R3HCC1L: variants seen among roughly 807,000 people sequenced by gnomAD.
R3HCC1L encodes the protein R3H domain and coiled-coil containing 1 like.
A neutral mutation model predicts 59.9 loss-of-function variants in R3HCC1L; 51 were observed. The observed-to-expected ratio is 0.85, with a 90% confidence interval of 0.68 to 1.07. The LOEUF is 1.07. Among genes scored for constraint, R3HCC1L ranks in the 50% least tolerant of loss-of-function variants. R3HCC1L has a pLI of 0.00. For synonymous variants in R3HCC1L, 322 were observed against 315.2 expected, an observed-to-expected ratio of 1.02 and a Z score of -0.23; for missense variants, 965 against 933.0, an observed-to-expected ratio of 1.03 and a Z score of -0.45.
chr10:98,229,421 A>G (rs1227659356), intron 5 of R3HCC1L, among the ~76,000 whole-genome samples: 1 of 152,170 alleles, frequency 6.6e-6, no homozygotes, highest in East Asian at 1.9e-4. Flanking sequence ...TGATTTTTGC[A>G]CATTGATTTT....
chr10:98,198,900 C>T (rs968595591), intron 4 of R3HCC1L, among the ~76,000 whole-genome samples: 1 of 152,040 alleles, frequency 6.6e-6, no homozygotes, highest in Non-Finnish European at 1.5e-5. Context: ...CAAATGTGAA[C>T]CACATATGTA....
At chr10:98,220,524 A>G (rs577880609) in intron 5 of R3HCC1L, among the ~76,000 whole-genome samples, 23 of 129,436 alleles carry the variant, frequency 1.8e-4, no homozygotes, top group African/African-American at 5.9e-4. Context: ...TCCCAATGCT[A>G]TCCCTCCCCC....
At chr10:98,145,044 T>C (rs1432230897) in intron 1 of R3HCC1L, among the ~76,000 whole-genome samples, 2 of 152,212 alleles carry the variant, frequency 1.3e-5, no homozygotes, top group Non-Finnish European at 2.9e-5. Context: ...GTTAAGTTTA[T>C]ATGTGTGTGG....
At chr10:98,189,994 A>G (rs1337927014) in intron 4 of R3HCC1L, among the ~76,000 whole-genome samples, 1 of 152,218 alleles carries the variant, frequency 6.6e-6, no homozygotes, top group African/African-American at 2.4e-5. Context: ...CTTGGATACC[A>G]CAATTTGAGG....
intron 4 of R3HCC1L, among the ~76,000 whole-genome samples, chr10:98,183,973 TG>T (rs1849952107): frequency 4.7e-5 from 6 of 128,988 alleles, no homozygotes; most frequent in African/African-American, 2.8e-5. Flanking sequence ...TTTTTTTTTT[TG>T]GTTGAAATCT....
intron 9 of R3HCC1L, among the ~76,000 whole-genome samples, chr10:98,236,552 A>G (rs986886557): frequency 1.3e-5 from 2 of 152,214 alleles, no homozygotes; most frequent in African/African-American, 4.8e-5. Flanking sequence ...ATGTTATCAA[A>G]TGGTTTAGAT....
intron 1 of R3HCC1L, among the ~76,000 whole-genome samples, chr10:98,141,296 GTA>G (rs1845111553): frequency 6.6e-6 from 1 of 152,096 alleles, no homozygotes; most frequent in African/African-American, 2.4e-5. Flanking sequence ...GGTATTCAGG[GTA>G]TATATGAGAT....
intron 5 of R3HCC1L, among the ~76,000 whole-genome samples, chr10:98,223,120 A>T (rs924111127): frequency 6.6e-6 from 1 of 152,164 alleles, no homozygotes; most frequent in African/African-American, 2.4e-5. Context: ...ACAAGGAGGA[A>T]CTGGTACCAT....
chr10:98,203,879 C>G (rs992485582), intron 4 of R3HCC1L, among the ~76,000 whole-genome samples: 1 of 152,050 alleles, frequency 6.6e-6, no homozygotes, highest in African/African-American at 2.4e-5. Flanking sequence ...ATGATTTGGC[C>G]TAAAATATTT....
At chr10:98,173,596 G>A (rs979450465) in intron 4 of R3HCC1L, among the ~76,000 whole-genome samples, 4 of 152,002 alleles carry the variant, frequency 2.6e-5, no homozygotes, top group East Asian at 1.9e-4. Context: ...CCGTCACTTC[G>A]CATTAATTAC....
At chr10:98,156,678 C>T (rs1029993957) in intron 2 of R3HCC1L, among the ~76,000 whole-genome samples, 15 of 152,110 alleles carry the variant, frequency 9.9e-5, no homozygotes, top group Admixed American at 3.3e-4. Flanking sequence ...GGAATGATTA[C>T]GTGGGTGAGA....
chr10:98,180,195 G>A (rs1042032956), intron 4 of R3HCC1L, among the ~76,000 whole-genome samples: 1 of 152,110 alleles, frequency 6.6e-6, no homozygotes, highest in Non-Finnish European at 1.5e-5. Context: ...TGGGCATTTA[G>A]TGCTATAAAT....
chr10:98,194,395 T>A (rs899922203), intron 4 of R3HCC1L, among the ~76,000 whole-genome samples: 1 of 151,980 alleles, frequency 6.6e-6, no homozygotes, highest in African/African-American at 2.4e-5. Context: ...TTAGCAGTGG[T>A]TTCTTGCATA....
chr10:98,234,408 T>G (rs1249454895), intron 6 of R3HCC1L, 38 bp from the exon 7 acceptor site: 1 of 1,576,500 alleles, frequency 6.3e-7, no homozygotes, highest in Non-Finnish European at 8.7e-7. Context: ...AAAAGTAAAT[T>G]TTATTTTAGG....
chr10:98,210,993 G>A (rs960646497), intron 5 of R3HCC1L, among the ~76,000 whole-genome samples: 2 of 152,198 alleles, frequency 1.3e-5, no homozygotes, highest in African/African-American at 2.4e-5. Flanking sequence ...ATTCGTGGGA[G>A]CTGTTTGCAC....
intron 1 of R3HCC1L, among the ~76,000 whole-genome samples, chr10:98,146,407 T>G (rs1845659437): frequency 6.6e-6 from 1 of 152,222 alleles, no homozygotes. Flanking sequence ...CACTAGGTCG[T>G]ATTTCTTCTA....
At chr10:98,231,105 A>C (rs1856334068) in intron 5 of R3HCC1L, 3 of 386,626 alleles carry the variant, frequency 7.8e-6, no homozygotes, top group African/African-American at 2.1e-5. Context: ...ACTTCCAGAA[A>C]AGAAACTATG....
chr10:98,199,070 T>C (rs1851761260), intron 4 of R3HCC1L, among the ~76,000 whole-genome samples: 1 of 152,122 alleles, frequency 6.6e-6, no homozygotes, highest in African/African-American at 2.4e-5. Context: ...ATGAAGTCTT[T>C]GAAATCCAAA....
chr10:98,182,081 G>C (rs2134599656), intron 4 of R3HCC1L, among the ~76,000 whole-genome samples: 1 of 152,290 alleles, frequency 6.6e-6, no homozygotes, highest in Admixed American at 6.5e-5. Context: ...ATCCTTTCGA[G>C]GAGAAGCAGC....
Sources: gnomAD v4.1 joint callset for allele counts (sites outside exome capture counted in the v4.1 genomes callset) on GRCh38, gnomAD v4.1.1 for gene constraint, MANE v1.5 for transcripts, NCBI Gene and HGNC (gene_info 2026-07-23, HGNC 2026-07-21) for gene names.